Variants in SIAH1 observed in about 807,000 individuals in gnomAD.
SIAH1 encodes the protein E3 ubiquitin-protein ligase SIAH1.
In SIAH1, 2 loss-of-function variants were observed where a neutral mutation model predicts 20.0. The ratio of observed to expected loss-of-function variants is 0.10; its 90% confidence interval spans 0.04 to 0.31. The LOEUF is 0.31. Among genes scored for constraint, SIAH1 ranks in the 10% least tolerant of loss-of-function variants. The pLI is 1.00. For synonymous variants in SIAH1, 118 were observed against 125.3 expected, an observed-to-expected ratio of 0.94 and a Z score of 0.39; for missense variants, 119 against 355.3, an observed-to-expected ratio of 0.33 and a Z score of 5.35.
intron 1 of SIAH1, among the ~76,000 whole-genome samples, chr16:48,366,859 T>C (rs1960855489): frequency 6.6e-6 from 1 of 152,216 alleles, no homozygotes; most frequent in Admixed American, 6.5e-5. Context: ...AAAACAGCAT[T>C]AGGAAAAGAA....
At chr16:48,367,645 C>G (rs1960877241) in intron 1 of SIAH1, among the ~76,000 whole-genome samples, 1 of 152,196 alleles carries the variant, frequency 6.6e-6, no homozygotes, top group African/African-American at 2.4e-5. Context: ...GTCACAGACT[C>G]AGAATTTGTA....
In SIAH1 at chr16:48,361,577, A is replaced by G. The variant is rs1459218574; in HGVS notation, c.*3T>C. 1 of 1,610,628 alleles carries G rather than the reference A, an allele frequency of 6.2e-7. No individual in the cohort carries two copies. The highest frequency in any genetic ancestry group is 8.5e-7 in the Non-Finnish European group (1 of 1,178,028). ...ACTGGCCAGAAAATGTTTGATTGCCATTTCAACACATGGAAATAGTTACAT... is the reference window on the plus strand; with the variant it reads ...ACTGGCCAGAAAATGTTTGATTGCCGTTTCAACACATGGAAATAGTTACAT... On this transcript the variant is annotated 3_prime_UTR_variant, in exon 2 of 2. Transcript: ENST00000394725.
intron 1 of SIAH1, among the ~76,000 whole-genome samples, chr16:48,368,193 G>A (rs570543851): frequency 6.8e-4 from 103 of 152,260 alleles, no homozygotes; most frequent in African/African-American, 2.3e-3. Context: ...GAACACAGAC[G>A]TGAGGGACGG....
chr16:48,381,885 T>C (rs2151055545), intron 1 of SIAH1, among the ~76,000 whole-genome samples: 1 of 152,308 alleles, frequency 6.6e-6, no homozygotes, highest in African/African-American at 2.4e-5. Flanking sequence ...TCAATGTAGG[T>C]TCCTCAATTG....
intron 1 of SIAH1, chr16:48,365,729 C>T: frequency 7.1e-7 from 1 of 1,409,820 alleles, no homozygotes; most frequent in Non-Finnish European, 9.2e-7. Flanking sequence ...GCTGCGCTGT[C>T]CTCCAATGTG....
At chr16:48,380,259 C>T (rs1340043167) in intron 1 of SIAH1, among the ~76,000 whole-genome samples, 1 of 151,770 alleles carries the variant, frequency 6.6e-6, no homozygotes, top group Non-Finnish European at 1.5e-5. Flanking sequence ...GCCAACATGG[C>T]GAAACCCCGT....
chr16:48,372,925 A>T (rs765172471), intron 1 of SIAH1, among the ~76,000 whole-genome samples: 8 of 152,202 alleles, frequency 5.3e-5, no homozygotes, highest in Non-Finnish European at 8.8e-5. Flanking sequence ...TTGAACTGTC[A>T]GCAACACCTA....
chr16:48,366,052 G>GC (rs150055228), intron 1 of SIAH1, among the ~76,000 whole-genome samples: 6 of 151,940 alleles, frequency 3.9e-5, no homozygotes, highest in African/African-American at 1.5e-4. Flanking sequence ...CGCAAGCCCC[G>GC]CCCCCCAGCC....
At chr16:48,374,270 G>T (rs1480556002) in intron 1 of SIAH1, among the ~76,000 whole-genome samples, 1 of 152,154 alleles carries the variant, frequency 6.6e-6, no homozygotes, top group Non-Finnish European at 1.5e-5. Flanking sequence ...ACATAGTACA[G>T]ACTCCAATAA....
upstream of SIAH1, among the ~76,000 whole-genome samples, chr16:48,385,683 G>T (rs1479493641): frequency 1.3e-5 from 2 of 152,150 alleles, no homozygotes; most frequent in Non-Finnish European, 2.9e-5. Flanking sequence ...CCCGCGAGAA[G>T]CTAGCGCTTG....
chr16:48,363,939 T>C (rs1258500855), intron 1 of SIAH1: 4 of 130,066 alleles, frequency 3.1e-5, no homozygotes, highest in Admixed American at 8.4e-5. Flanking sequence ...TAAGCCATAA[T>C]CTTTTTTTTT....
At chr16:48,380,466 A>C (rs1051311006) in intron 1 of SIAH1, among the ~76,000 whole-genome samples, 1 of 152,034 alleles carries the variant, frequency 6.6e-6, no homozygotes, top group Non-Finnish European at 1.5e-5. Flanking sequence ...AAACAAACAA[A>C]AAAAAAACAA....
At chr16:48,375,088 G>A (rs1961074193) in intron 1 of SIAH1, among the ~76,000 whole-genome samples, 1 of 152,256 alleles carries the variant, frequency 6.6e-6, no homozygotes, top group Non-Finnish European at 1.5e-5. Flanking sequence ...CACGGAGGTT[G>A]CAGTGAGCCA....
chr16:48,375,654 A>G (rs1276873389), intron 1 of SIAH1, among the ~76,000 whole-genome samples: 1 of 152,200 alleles, frequency 6.6e-6, no homozygotes, highest in Non-Finnish European at 1.5e-5. Context: ...AAAACAAAAA[A>G]CAAAAAACAA....
upstream of SIAH1, among the ~76,000 whole-genome samples, chr16:48,386,026 A>G (rs1961456043): frequency 6.6e-6 from 1 of 152,308 alleles, no homozygotes; most frequent in Admixed American, 6.5e-5. Context: ...AAAGTGGGTA[A>G]TGGGGAAGCA....
In SIAH1 at chr16:48,360,544, C is replaced by T. The variant is rs1038684866; in HGVS notation, c.*1036G>A. On this transcript the variant is annotated 3_prime_UTR_variant, in exon 2 of 2. Transcript: ENST00000394725. The stretch of plus-strand genomic sequence containing the variant: ...GACACAGTAAGATTTTTTTAATTTG[C>T]CAGATATTCTTTTAATGAGAATTAT... 6.6e-6 allele frequency: 1 copy of T among 152,488 alleles called. No homozygotes were observed. The highest frequency in any genetic ancestry group is 2.4e-5 in the African/African-American group (1 of 41,380). 9.4% of individuals were successfully genotyped at this position (152,488 alleles called of 1,614,324 possible).
chr16:48,381,490 C>T (rs919769732), intron 1 of SIAH1, among the ~76,000 whole-genome samples: 2 of 152,228 alleles, frequency 1.3e-5, no homozygotes, highest in Admixed American at 6.5e-5. Context: ...ATTGCCAAGA[C>T]TTCGAAGCCA....
At chr16:48,382,348 C>A (rs1047572342) in intron 1 of SIAH1, among the ~76,000 whole-genome samples, 2 of 151,990 alleles carry the variant, frequency 1.3e-5, no homozygotes, top group African/African-American at 4.8e-5. Context: ...ATCACCACTG[C>A]ACTCCAGCCT....
chr16:48,362,672 T>C lies in SIAH1; in HGVS notation c.-2-242A>G. On this transcript the variant is annotated intron_variant, in intron 1 of 1. Coordinates refer to ENST00000394725, the MANE Select transcript of SIAH1 (RefSeq NM_003031.4). The surrounding 1 kb of genome is among the most constrained non-coding windows in gnomAD (Gnocchi z 4.2). Reference sequence around the variant, plus strand: ...AAATGTTCCGGAAAACATGTGGAACTCCCTTAATCGTCTTTGGATAGACTA... The same window carrying C: ...AAATGTTCCGGAAAACATGTGGAACCCCCTTAATCGTCTTTGGATAGACTA... 1 of 474,926 alleles carries C rather than the reference T, an allele frequency of 2.1e-6. No homozygotes were observed. Among genetic ancestry groups the C allele is most frequent in the Non-Finnish European group, 3.9e-6 (1 of 257,316 alleles). The allele number at this position is 474,926 out of a possible 1,614,324, so 29.4% of individuals were successfully genotyped here. A position where few individuals can be genotyped will look rare whatever the true frequency, so the allele number is the denominator to read the frequency against.
Sources: gnomAD v4.1 joint callset for allele counts (sites outside exome capture counted in the v4.1 genomes callset) on GRCh38, gnomAD v4.1.1 for gene constraint, Gnocchi (gnomAD v3.1) non-coding constraint, MANE v1.5 for transcripts, NCBI Gene and HGNC (gene_info 2026-07-23, HGNC 2026-07-21) for gene names.